GUCA1A: variants seen among roughly 807,000 people sequenced by gnomAD.
GUCA1A encodes the protein guanylate cyclase activator 1A, also known as guanylyl cyclase-activating protein 1.
In GUCA1A, 14 loss-of-function variants were observed where a neutral mutation model predicts 18.5. The ratio of observed to expected loss-of-function variants is 0.76; its 90% CI spans 0.50 to 1.18. GUCA1A has a LOEUF of 1.18. Ranked by LOEUF, GUCA1A falls within the 50% of genes most tolerant of loss-of-function variation. The pLI is 0.00. For synonymous variants in GUCA1A, 97 were observed against 100.2 expected, an observed-to-expected ratio of 0.97 and a Z score of 0.19; for missense variants, 264 against 262.4, an observed-to-expected ratio of 1.01 and a Z score of -0.04.
Position 42,173,664 on chromosome 6 carries a change from G to C in GUCA1A, c.51G>C (p.Glu17Asp), listed in dbSNP as rs1767871163. ...CAGTGGAGGAGCTGAGCAGCACCGA[G>C]TGCCACCAGTGGTACAAGAAGTTCA... ...GKSVEELSSTECHQWYKKFMT... is the reference protein window; with the variant it reads ...GKSVEELSSTDCHQWYKKFMT... Residue 17 changes from glutamate (E) to aspartate (D), a missense_variant, in exon 1 of 4, where the codon GAG (glutamate) becomes GAC (aspartate). Transcript: ENST00000372958. 6.2e-7 allele frequency: 1 copy of C among 1,614,070 alleles called. No individual in the cohort carries two copies. Among genetic ancestry groups the C allele is most frequent in the South Asian group, 1.1e-5 (1 of 91,092 alleles).
At chr6:42,179,074 T>G (rs1768042519) in intron 3 of GUCA1A, among the ~76,000 whole-genome samples, 169 bp from the exon 4 acceptor site, 1 of 146,672 alleles carries the variant, frequency 6.8e-6, no homozygotes, top group African/African-American at 2.7e-5. Context: ...TAGGGGCCCC[T>G]GGACCAGAAT....
chr6:42,175,275 C>T (rs1265761239), intron 1 of GUCA1A, among the ~76,000 whole-genome samples: 4 of 150,528 alleles, frequency 2.7e-5, no homozygotes, highest in African/African-American at 9.7e-5. Flanking sequence ...AGGACCCTTA[C>T]AGTCACACAT....
Position 42,179,247 on chromosome 6 carries a change from A to G in GUCA1A, c.450A>G (p.Glu150=). ...FSKIDVNGDG[E]LSLEEFIEGV... is the part of the protein sequence containing the mutation. The stretch of plus-strand genomic sequence containing the variant: ...TTCCCTTTCTCTCTACCCCAGGGGA[A>G]CTCTCCCTGGAAGAGTTTATAGAGG... Residue 150 remains glutamate (E), a synonymous_variant, in exon 4 of 4, where the codon GAA becomes GAG. Transcript: ENST00000372958. The G allele has an allele frequency of 2.5e-6, 4 of 1,613,206 alleles. No homozygotes were observed. Among genetic ancestry groups the G allele is most frequent in the Non-Finnish European group, 3.4e-6 (4 of 1,179,326 alleles).
chr6:42,174,816 G>A (rs1358460734), intron 1 of GUCA1A, among the ~76,000 whole-genome samples: 2 of 152,262 alleles, frequency 1.3e-5, no homozygotes, highest in African/African-American at 4.8e-5. Flanking sequence ...CACTTGAAAA[G>A]TGAGGATGCA....
chr6:42,179,044 C>T, intron 3 of GUCA1A, 149 bp downstream of exon 3: 2 of 878,210 alleles, frequency 2.3e-6, no homozygotes, highest in South Asian at 2.9e-5. Flanking sequence ...TGCCTCTGCC[C>T]CAGCCACAAA....
At chr6:42,177,881 A>T (rs976455227) in intron 1 of GUCA1A, among the ~76,000 whole-genome samples, 2 of 152,208 alleles carry the variant, frequency 1.3e-5, no homozygotes, top group Non-Finnish European at 2.9e-5. Context: ...CTGGGGGTGC[A>T]GTTCTTCCTC....
chr6:42,176,716 G>A (rs903933052), intron 1 of GUCA1A, among the ~76,000 whole-genome samples: 3 of 152,180 alleles, frequency 2.0e-5, no homozygotes, highest in Non-Finnish European at 4.4e-5. Flanking sequence ...TTACAGGTGT[G>A]AGCCACTGCA....
chr6:42,178,918 C>A (rs1283978226), intron 3 of GUCA1A, 23 bp downstream of exon 3: 2 of 1,555,036 alleles, frequency 1.3e-6, no homozygotes, highest in Admixed American at 1.7e-5. Context: ...AGGAGGGGCT[C>A]CCCAGCGGAG....
intron 1 of GUCA1A, among the ~76,000 whole-genome samples, chr6:42,177,720 G>A (rs189311114): frequency 2.0e-5 from 3 of 152,258 alleles, no homozygotes; most frequent in Admixed American, 6.5e-5. Flanking sequence ...GGCCTCTCTG[G>A]GCTCTGTGCT....
Position 42,173,458 on chromosome 6 carries a change from G to C in GUCA1A, c.-156G>C. 1.5e-6 allele frequency: 1 copy of C among 684,024 alleles called. No homozygotes were observed. The highest frequency in any genetic ancestry group is 2.7e-6 in the Non-Finnish European group (1 of 376,308). The allele number at this position is 684,024 out of a possible 1,614,324, so 42.4% of individuals were successfully genotyped here. A position where few individuals can be genotyped will look rare whatever the true frequency, so the allele number is the denominator to read the frequency against. On this transcript the variant is annotated 5_prime_UTR_variant, in exon 1 of 4. Coordinates refer to ENST00000372958, the MANE Select transcript of GUCA1A (RefSeq NM_001384910.1). The stretch of plus-strand genomic sequence containing the variant: ...TGCTCTCTCCCTCTCCACATTTCCC[G>C]GTACCATCTGATCCATCAGGCCCTT...
At chr6:42,178,692 C>CTACT in intron 2 of GUCA1A, 110 bp from the exon 3 acceptor site, 1 of 908,986 alleles carries the variant, frequency 1.1e-6, no homozygotes, top group South Asian at 1.3e-5. Flanking sequence ...ACCCTGCACT[C>CTACT]TACTCCTCAC....
rs116114043 is a variant in GUCA1A at position 42,173,622 on chromosome 6, C to T, written c.9C>T (p.Asn3=). The change falls in exon 1 of 4, where the codon AAC becomes AAT. Residue 3 remains asparagine, a synonymous_variant. Coordinates refer to ENST00000372958, the MANE Select transcript of GUCA1A (RefSeq NM_001384910.1). ...CCCTGAAGGCCTGAGCAATGGGCAA[C>T]GTGATGGAGGGAAAGTCAGTGGAGG... The part of the protein sequence containing the change: MG[N]VMEGKSVEEL... The T allele has an allele frequency of 6.9e-4, 1,120 of 1,613,648 alleles. 7 individuals are homozygous for T. The African/African-American group carries it at 0.013, about 18-fold the overall frequency.
chr6:42,179,217 C>A (rs763451936), intron 3 of GUCA1A, 26 bp from the exon 4 acceptor site: 1 of 1,608,928 alleles, frequency 6.2e-7, no homozygotes. Context: ...CCCTCCTCCC[C>A]CTGATTCCCT....
Position 42,178,355 on chromosome 6 carries a change from C to A in GUCA1A, c.277C>A (p.Arg93Ser). 1.9e-6 allele frequency: 3 copies of A among 1,613,872 alleles called. No homozygotes were observed. Among genetic ancestry groups the A allele is most frequent in the Non-Finnish European group, 2.5e-6 (3 of 1,179,772 alleles). ...VLKGKVEQKLRWYFKLYDVDG... is the reference protein window; with the variant it reads ...VLKGKVEQKLSWYFKLYDVDG... Reference sequence around the variant, plus strand: ...CAAGGGGAAGGTGGAACAGAAGCTCCGCTGGTACTTCAAGCTCTATGATGT... The same window carrying A: ...CAAGGGGAAGGTGGAACAGAAGCTCAGCTGGTACTTCAAGCTCTATGATGT... Residue 93 changes from arginine to serine, a missense_variant, in exon 2 of 4, where the codon CGC becomes AGC. Physicochemically the swap from Arg to Ser is moderately radical, Grantham distance 110 (BLOSUM62 -1). Transcript: ENST00000372958.
chr6:42,175,947 G>T (rs1231218271), intron 1 of GUCA1A, among the ~76,000 whole-genome samples: 1 of 152,170 alleles, frequency 6.6e-6, no homozygotes, highest in African/African-American at 2.4e-5. Context: ...TTAAAACTGG[G>T]ACTGGTTCCC....
In GUCA1A at chr6:42,176,457, G is replaced by T. The variant is rs563567375; in HGVS notation, c.202-1823G>T. On this transcript the variant is annotated intron_variant, in intron 1 of 3. Transcript: ENST00000372958. ...GTTGTTGTTGTTGTTTTTTGAGATGGAGTTTTGCTCTTGTCACCCAGGCTG... is the reference window on the plus strand; with the variant it reads ...GTTGTTGTTGTTGTTTTTTGAGATGTAGTTTTGCTCTTGTCACCCAGGCTG... 9.1e-4 allele frequency among the ~76,000 whole-genome samples: 139 copies of T among 152,146 alleles called. 1 individual carries two copies. The highest frequency in any genetic ancestry group is 3.1e-3 in the African/African-American group (130 of 41,496).
chr6:42,178,974 G>T (rs1459312751), intron 3 of GUCA1A, 79 bp downstream of exon 3: 1 of 1,144,934 alleles, frequency 8.7e-7, no homozygotes, highest in African/African-American at 1.5e-5. Context: ...GGTCACTAAA[G>T]GAGAGGGTGA....
chr6:42,179,125 G>A (rs1208576147), intron 3 of GUCA1A, 118 bp from the exon 4 acceptor site: 2 of 1,028,226 alleles, frequency 1.9e-6, no homozygotes, highest in Non-Finnish European at 3.1e-6. Flanking sequence ...CCGCAGCAGG[G>A]GCTCTGACTT....
intron 1 of GUCA1A, among the ~76,000 whole-genome samples, chr6:42,175,293 C>T (rs1398650726): frequency 7.0e-6 from 1 of 143,526 alleles, no homozygotes; most frequent in Non-Finnish European, 1.5e-5. Context: ...CATATGACGC[C>T]GGTGGGGGTG....
Sources: allele counts gnomAD v4.1 joint callset (sites outside exome capture counted in the v4.1 genomes callset), GRCh38; gene constraint gnomAD v4.1.1; transcripts MANE v1.5; gene names NCBI Gene and HGNC (gene_info 2026-07-23, HGNC 2026-07-21).